The following HNF4G variants were observed in gnomAD, a reference collection of about 807,000 sequenced individuals.
HNF4G encodes hepatocyte nuclear factor 4 gamma, also known as hepatocyte nuclear factor 4-gamma.
In HNF4G, 21 loss-of-function variants were observed where a neutral mutation model predicts 50.9. The observed-to-expected ratio is 0.41, with a 90% CI of 0.29 to 0.59. HNF4G has a LOEUF of 0.59. Among genes scored for constraint, HNF4G ranks in the 20% least tolerant of loss-of-function variants. The pLI is 0.26. For missense variants in HNF4G, 527 were observed against 559.4 expected, an observed-to-expected ratio of 0.94 and a Z score of 0.58; for synonymous variants, 198 against 185.6, an observed-to-expected ratio of 1.07 and a Z score of -0.54.
intron 2 of HNF4G, among the ~76,000 whole-genome samples, chr8:75,504,873 G>A (rs1813035143): frequency 6.6e-6 from 1 of 152,102 alleles, no homozygotes; most frequent in Non-Finnish European, 1.5e-5. Flanking sequence ...GGAAACTACT[G>A]TGAATATCTA....
rs778310623 is a variant in HNF4G at position 75,558,976 on chromosome 8, G to T, written c.1062G>T (p.Gln354His). Reference sequence around the variant, plus strand: ...CGTGGCAAATGATTGAGCAAATACAGTTTGTTAAACTTTTTGGGATGGTTA... The same window carrying T: ...CGTGGCAAATGATTGAGCAAATACATTTTGTTAAACTTTTTGGGATGGTTA... ...SITWQMIEQI[Q>H]FVKLFGMVKI... The change falls in exon 8 of 10, where the codon CAG becomes CAT. Residue 354 changes from glutamine to histidine, a missense_variant. Gln to His is a conservative substitution (Grantham distance 24). Coordinates refer to ENST00000396423, the MANE Select transcript of HNF4G (RefSeq NM_004133.5). 1 of 1,614,024 alleles carries T rather than the reference G, an allele frequency of 6.2e-7. No homozygotes were observed. The highest frequency in any genetic ancestry group is 1.1e-5 in the South Asian group (1 of 91,088).
intron 2 of HNF4G, among the ~76,000 whole-genome samples, chr8:75,506,983 G>C (rs1192885661): frequency 1.3e-5 from 2 of 152,222 alleles, no homozygotes; most frequent in East Asian, 3.9e-4. Flanking sequence ...TTTTATTTGG[G>C]CCTAAAAATG....
intron 6 of HNF4G, 119 bp from the exon 7 acceptor site, chr8:75,558,399 A>T: frequency 1.2e-6 from 1 of 842,794 alleles, no homozygotes; most frequent in Non-Finnish European, 1.8e-6. Flanking sequence ...GAAGTACATC[A>T]CTATTCCTTC....
intron 1 of HNF4G, among the ~76,000 whole-genome samples, chr8:75,489,849 C>T (rs1216418004): frequency 6.6e-6 from 1 of 152,202 alleles, no homozygotes; most frequent in Non-Finnish European, 1.5e-5. Context: ...TCTATCATGA[C>T]ATGACCGCTT....
chr8:75,524,479 T>C (rs1049726417), intron 2 of HNF4G, among the ~76,000 whole-genome samples: 9 of 152,220 alleles, frequency 5.9e-5, no homozygotes, highest in African/African-American at 2.2e-4. Context: ...GTATCATGCA[T>C]AGTTTCGAAA....
chr8:75,444,222 A>C (rs1309972554), intron 1 of HNF4G, among the ~76,000 whole-genome samples: 3 of 151,984 alleles, frequency 2.0e-5, no homozygotes, highest in South Asian at 4.2e-4. Flanking sequence ...ACAGACAAGC[A>C]AATGCTGAGA....
At chr8:75,412,657 T>C (rs1353725407) in intron 1 of HNF4G, among the ~76,000 whole-genome samples, 1 of 152,194 alleles carries the variant, frequency 6.6e-6, no homozygotes, top group Admixed American at 6.5e-5. Context: ...CGTGGGCTTA[T>C]GCACTGTCTT....
At chr8:75,509,655 T>G (rs1225062350) in intron 2 of HNF4G, among the ~76,000 whole-genome samples, 1 of 152,182 alleles carries the variant, frequency 6.6e-6, no homozygotes, top group African/African-American at 2.4e-5. Context: ...ATAATGATGT[T>G]TTGGTCAACA....
intron 1 of HNF4G, among the ~76,000 whole-genome samples, chr8:75,411,704 A>G (rs2130461044): frequency 6.6e-6 from 1 of 152,272 alleles, no homozygotes; most frequent in South Asian, 2.1e-4. Flanking sequence ...GCTTCATGGG[A>G]AGCTGCGTGG....
At chr8:75,560,664 A>G (rs1807284889) in intron 9 of HNF4G, among the ~76,000 whole-genome samples, 198 bp downstream of exon 9, 1 of 152,146 alleles carries the variant, frequency 6.6e-6, no homozygotes, top group South Asian at 2.1e-4. Flanking sequence ...TAAAATGAAA[A>G]TGAAAGAAAA....
chr8:75,453,485 A>G (rs1425779646), intron 1 of HNF4G, among the ~76,000 whole-genome samples: 6 of 151,992 alleles, frequency 3.9e-5, no homozygotes, highest in Admixed American at 2.0e-4. Context: ...ATAAGGGAAT[A>G]AAAGCTGGCC....
At chr8:75,534,329 T>C (rs777390456) in intron 2 of HNF4G, among the ~76,000 whole-genome samples, 1 of 151,198 alleles carries the variant, frequency 6.6e-6, no homozygotes, top group Admixed American at 6.6e-5. Context: ...CAGCTCCTTA[T>C]CTTCTGAAAA....
chr8:75,547,106 C>T (rs1806802863), intron 2 of HNF4G, among the ~76,000 whole-genome samples: 1 of 152,082 alleles, frequency 6.6e-6, no homozygotes, highest in African/African-American at 2.4e-5. Context: ...ATGTTGTCCT[C>T]AATGACCTCT....
At chr8:75,448,420 A>C (rs1205373145) in intron 1 of HNF4G, among the ~76,000 whole-genome samples, 5 of 92,572 alleles carry the variant, frequency 5.4e-5, no homozygotes, top group African/African-American at 2.8e-4. Context: ...CCTAAAACTT[A>C]AAGTATAAAA....
At chr8:75,540,393 T>C (rs1806581243) in intron 1 of HNF4G, among the ~76,000 whole-genome samples, 1 of 152,192 alleles carries the variant, frequency 6.6e-6, no homozygotes, top group African/African-American at 2.4e-5. Flanking sequence ...ATCATAGTAA[T>C]ATGTCATATT....
At chr8:75,549,628 C>T (rs1806888445) in intron 3 of HNF4G, among the ~76,000 whole-genome samples, 1 of 145,776 alleles carries the variant, frequency 6.9e-6, no homozygotes, top group Non-Finnish European at 1.5e-5. Flanking sequence ...TATTATTATA[C>T]TTTAAGTTTT....
At chr8:75,502,593 G>T (rs1286618641) in intron 2 of HNF4G, among the ~76,000 whole-genome samples, 1 of 152,108 alleles carries the variant, frequency 6.6e-6, no homozygotes, top group African/African-American at 2.4e-5. Flanking sequence ...AAGCACAAGG[G>T]TAAGCAACAA....
At chr8:75,524,344 A>G (rs1054207033) in intron 2 of HNF4G, among the ~76,000 whole-genome samples, 3 of 152,200 alleles carry the variant, frequency 2.0e-5, no homozygotes, top group African/African-American at 7.2e-5. Context: ...CCAACAATTC[A>G]AAACATTCTA....
intron 1 of HNF4G, among the ~76,000 whole-genome samples, chr8:75,483,835 AG>A (rs1442525203): frequency 6.6e-6 from 1 of 151,466 alleles, no homozygotes; most frequent in African/African-American, 2.4e-5. Context: ...AAGTGTTATT[AG>A]TTACAGTTTC....
Sources: allele counts gnomAD v4.1 joint callset (sites outside exome capture counted in the v4.1 genomes callset), GRCh38; gene constraint gnomAD v4.1.1; transcripts MANE v1.5; gene names NCBI Gene and HGNC (gene_info 2026-07-23, HGNC 2026-07-21).